Variants in PTK2B observed in about 807,000 individuals in gnomAD.
PTK2B encodes the protein protein-tyrosine kinase 2-beta.
Under a neutral mutation model 142.9 loss-of-function variants are expected in PTK2B, and 71 were observed. That is an observed-to-expected ratio of 0.50 (90% CI 0.41 to 0.61). The LOEUF (loss-of-function observed/expected upper bound fraction) is 0.61, where lower values mean the gene tolerates loss of function less well. PTK2B is among the 20% of genes least tolerant of loss of function. The pLI is 0.00. For synonymous variants in PTK2B, 519 were observed against 503.4 expected (o/e 1.03, Z -0.42); for missense variants, 1,105 against 1,320.4 (o/e 0.84, Z 2.53).
intron 1 of PTK2B, among the ~76,000 whole-genome samples, chr8:27,352,493 C>G (rs1012026539): frequency 1.3e-5 from 2 of 152,168 alleles, no homozygotes; most frequent in Admixed American, 1.3e-4. Flanking sequence ...TCATCTGGGC[C>G]AGCCTACACT....
Position 27,437,439 on chromosome 8 carries a change from C to A in PTK2B, c.1470C>A (p.Ile490=), listed in dbSNP as rs1456102449. Residue 490 remains isoleucine (I), a synonymous_variant, in exon 17 of 31, where the codon ATC becomes ATA. Coordinates refer to ENST00000346049, the MANE Select transcript of PTK2B (RefSeq NM_173176.3). ...NLDHPHIVKL[I]GIIEEEPTWI... ...ACCACCCGCACATCGTGAAGCTGAT[C>A]GGCATCATTGAAGAGGAGCCCACCT... The A allele has an allele frequency of 3.1e-6, 5 of 1,613,394 alleles. No homozygotes were observed. The South Asian group carries it at 4.4e-5, about 14-fold the overall frequency.
In PTK2B at chr8:27,420,733, T is replaced by C. The variant is rs953208127; in HGVS notation, c.460T>C (p.Phe154Leu). Reference sequence around the variant, plus strand: ...GGAGGACAGGACCACGCTGCTCTATTTTTACCAACAGGTAAAAAGTACTTT... The same window carrying C: ...GGAGGACAGGACCACGCTGCTCTATCTTTACCAACAGGTAAAAAGTACTTT... ...LKEDRTTLLY[F>L]YQQLRNDYMQ... The change falls in exon 4 of 31, where the codon TTT (phenylalanine) becomes CTT (leucine). Residue 154 changes from phenylalanine (F) to leucine (L), a missense_variant. Phe to Leu is a conservative substitution (Grantham distance 22). Coordinates refer to ENST00000346049, the MANE Select transcript of PTK2B (RefSeq NM_173176.3). 2 of 1,612,572 alleles carry C rather than the reference T, an allele frequency of 1.2e-6. No individual in the cohort carries two copies. Among genetic ancestry groups the C allele is most frequent in the Non-Finnish European group, 1.7e-6 (2 of 1,178,584 alleles).
intron 3 of PTK2B, among the ~76,000 whole-genome samples, chr8:27,318,091 A>G (rs911937254): frequency 5.9e-5 from 9 of 152,204 alleles, no homozygotes; most frequent in Admixed American, 5.2e-4. Context: ...TGGCTAATAA[A>G]GTAATAGGAG....
chr8:27,385,728 A>G (rs1015614679), intron 1 of PTK2B, among the ~76,000 whole-genome samples: 3 of 151,960 alleles, frequency 2.0e-5, no homozygotes, highest in Admixed American at 1.3e-4. Flanking sequence ...CCTCCTCTCT[A>G]CTAAAAATAC....
At chr8:27,344,927 C>CT (rs33980718) in intron 1 of PTK2B, among the ~76,000 whole-genome samples, 120,870 of 152,110 alleles carry the variant, frequency 0.79, 48,672 homozygotes, top group Middle Eastern at 0.87. Context: ...AATCCCAGCA[C>CT]TTGGGAGGCC....
At chr8:27,314,412 C>T (rs959001349) in intron 3 of PTK2B, among the ~76,000 whole-genome samples, 2 of 152,292 alleles carry the variant, frequency 1.3e-5, no homozygotes, top group African/African-American at 2.4e-5. Flanking sequence ...AGCAAAACCC[C>T]GTCTCTACAA....
intron 1 of PTK2B, among the ~76,000 whole-genome samples, chr8:27,394,456 A>G (rs1807917611): frequency 6.6e-6 from 1 of 152,244 alleles, no homozygotes; most frequent in Admixed American, 6.5e-5. Flanking sequence ...AATACAGTGT[A>G]AAAGATAAAA....
rs763992430 is a variant in PTK2B at position 27,454,267 on chromosome 8, C to T, written c.2709C>T (p.Pro903=). The T allele has an allele frequency of 1.4e-5, 22 of 1,613,788 alleles. No individual in the cohort carries two copies. In the East Asian group the frequency reaches 2.5e-4, roughly 18 times the overall value. The change falls in exon 29 of 31, where the codon CCC becomes CCT. Residue 903 remains proline (P), a synonymous_variant. Transcript: ENST00000346049. ...AGAATGAGCTCTGTCAGCTGCCCCC[C>T]GAGGGCTACGTGGTGGTGGTGAAGG... ...ELKNELCQLP[P]EGYVVVVKNV...
At chr8:27,374,071 A>T (rs11783207) in intron 1 of PTK2B, among the ~76,000 whole-genome samples, 60,576 of 151,846 alleles carry the variant, frequency 0.4, 13,830 homozygotes, top group Non-Finnish European at 0.53. Flanking sequence ...AGGCTTTACC[A>T]CCAAGGAGAG....
chr8:27,451,102 T>G (rs1191943754), intron 26 of PTK2B, 24 bp downstream of exon 26: 9 of 1,607,378 alleles, frequency 5.6e-6, no homozygotes, highest in African/African-American at 4.0e-5. Flanking sequence ...AGAGGCCGCC[T>G]CCTCCATGCC....
At chr8:27,319,687 A>T (rs936647747) in intron 3 of PTK2B, among the ~76,000 whole-genome samples, 64 of 151,430 alleles carry the variant, frequency 4.2e-4, no homozygotes, top group African/African-American at 1.5e-3. Context: ...CATAATATCC[A>T]TTAATGGTCA....
At chr8:27,313,581 A>G (rs1017272492) in intron 3 of PTK2B, among the ~76,000 whole-genome samples, 2 of 152,160 alleles carry the variant, frequency 1.3e-5, no homozygotes, top group Non-Finnish European at 2.9e-5. Flanking sequence ...TTCTTCCCTC[A>G]GTGTGAGCTG....
chr8:27,450,766 A>G lies in PTK2B; in HGVS notation c.2358A>G (p.Gln786=), dbSNP rs199504084. ...RHSMREEDFI[Q]PSSREEAQQL... is the part of the protein sequence containing the mutation. ...CCTCCCAGGAGGAGGACTTCATCCA[A>G]CCCAGCAGCCGAGAAGAGGCCCAGC... is the stretch of plus-strand genomic sequence containing the variant. The change falls in exon 25 of 31, where the codon CAA becomes CAG. Residue 786 remains glutamine, a synonymous_variant. Coordinates refer to ENST00000346049, the MANE Select transcript of PTK2B (RefSeq NM_173176.3). The G allele has an allele frequency of 1.3e-4, 202 of 1,614,086 alleles. 1 individual carries two copies. The Middle Eastern group carries it at 4.6e-3, about 37-fold the overall frequency.
chr8:27,422,476 G>A, intron 5 of PTK2B, 93 bp downstream of exon 5: 1 of 1,158,006 alleles, frequency 8.6e-7, no homozygotes, highest in Middle Eastern at 2.6e-4. Context: ...AAGCAGGAAT[G>A]AGTGTGTGGG....
intron 21 of PTK2B, among the ~76,000 whole-genome samples, chr8:27,441,933 C>A (rs1179246624): frequency 6.6e-6 from 1 of 152,058 alleles, no homozygotes; most frequent in East Asian, 1.9e-4. Context: ...TCAGAGGCAT[C>A]GACCAGGCCT....
At chr8:27,405,035 C>CCTCTCTCTCTCTCCCTCTCTCTCTCT (rs1808621789) in intron 2 of PTK2B, among the ~76,000 whole-genome samples, 1 of 119,570 alleles carries the variant, frequency 8.4e-6, no homozygotes, top group Non-Finnish European at 1.7e-5. Context: ...TCTTTCTCTT[C>CCTCTCTCTCTCTCCCTCTCTCTCTCT]CTCTCTCTCT....
upstream of PTK2B, among the ~76,000 whole-genome samples, chr8:27,320,868 G>T (rs1484412100): frequency 6.7e-6 from 1 of 148,406 alleles, no homozygotes; most frequent in Admixed American, 6.7e-5. Context: ...AGCGCTGAAA[G>T]TTCAGCCTTC....
At chr8:27,430,322 G>C in intron 6 of PTK2B, 42 bp from the exon 7 acceptor site, 1 of 1,613,410 alleles carries the variant, frequency 6.2e-7, no homozygotes. Context: ...TGTGGTGGGG[G>C]TGAGGGGGAG....
At chr8:27,386,677 T>C (rs1807377630) in intron 1 of PTK2B, among the ~76,000 whole-genome samples, 1 of 152,164 alleles carries the variant, frequency 6.6e-6, no homozygotes, top group Non-Finnish European at 1.5e-5. Flanking sequence ...GGCTCGGTCA[T>C]GTTGAATGGT....
Sources: allele counts gnomAD v4.1 joint callset (sites outside exome capture counted in the v4.1 genomes callset), GRCh38; gene constraint gnomAD v4.1.1; transcripts MANE v1.5; gene names NCBI Gene and HGNC (gene_info 2026-07-23, HGNC 2026-07-21).